NKD1: variants seen among roughly 807,000 people sequenced by gnomAD.
The protein encoded by NKD1 is NKD inhibitor of Wnt signaling pathway 1, also known as protein naked cuticle homolog 1.
NKD1 carries 21 observed loss-of-function variants against 56.0 expected under a neutral mutation model. The observed-to-expected ratio is 0.38, with a 90% CI of 0.27 to 0.54. The LOEUF is 0.54. Ranked by LOEUF, NKD1 falls within the 20% of genes least tolerant of loss-of-function variation. The pLI, the probability that NKD1 is intolerant of heterozygous loss-of-function variation, is 0.82. For missense variants in NKD1, 578 were observed against 642.7 expected, an observed-to-expected ratio of 0.90 and a Z score of 1.09; for synonymous variants, 263 against 265.7, an observed-to-expected ratio of 0.99 and a Z score of 0.10.
rs1272645884 is a variant in NKD1 at position 50,598,558 on chromosome 16, C to T, written c.193-9736C>T. Among the ~76,000 whole-genome samples the T allele has an allele frequency of 2.6e-5, 4 of 152,160 alleles. No homozygotes were observed. The highest frequency in any genetic ancestry group is 2.9e-5 in the Non-Finnish European group (2 of 68,016). ...TGTCATAAGCAGCCTGGCTCAGGGC[C>T]ACCCTGTCGGCAGGTCACACGTGCT... On this transcript the variant is annotated intron_variant, in intron 3 of 9. Transcript: ENST00000268459. The surrounding 1 kb of genome is among the most constrained non-coding windows in gnomAD (Gnocchi z 4.2).
intron 3 of NKD1, among the ~76,000 whole-genome samples, chr16:50,568,017 T>C (rs1351939796): frequency 6.6e-6 from 1 of 152,252 alleles, no homozygotes; most frequent in African/African-American, 2.4e-5. Context: ...CGAGAGCCAG[T>C]TATTTCAGGA....
rs1204993917 is a variant in NKD1, at chr16:50,645,207, G to A, written c.*11426G>A. The A allele has an allele frequency of 6.6e-6, 1 of 152,366 alleles. No individual in the cohort carries two copies. Among genetic ancestry groups the A allele is most frequent in the Non-Finnish European group, 1.5e-5 (1 of 68,168 alleles). The allele number at this position is 152,366 out of a possible 1,614,324, so 9.4% of individuals were successfully genotyped here. A position where few individuals can be genotyped will look rare whatever the true frequency, so the allele number is the denominator to read the frequency against. ...TACCTTTGTGGAGCTTTAATCTAGT[G>A]TGGGGGACGGGGGGACTGCTTCCAC... On this transcript the variant is annotated 3_prime_UTR_variant, in exon 10 of 10. Coordinates refer to ENST00000268459, the MANE Select transcript of NKD1 (RefSeq NM_033119.5).
At chr16:50,561,802 G>C (rs1960640380) in intron 3 of NKD1, among the ~76,000 whole-genome samples, 1 of 152,200 alleles carries the variant, frequency 6.6e-6, no homozygotes, top group African/African-American at 2.4e-5. Flanking sequence ...CTACACAGGG[G>C]CATAAATACT....
rs1282866717 is a variant in NKD1 at position 50,598,288 on chromosome 16, C to T, written c.193-10006C>T. ...GCGCGCACACCTGTGCTCATGGACA[C>T]TCTTGTCCTGTCCGTAAAATGAGGC... On this transcript the variant is annotated intron_variant, in intron 3 of 9. Coordinates refer to ENST00000268459, the MANE Select transcript of NKD1 (RefSeq NM_033119.5). The surrounding 1 kb of genome is among the most constrained non-coding windows in gnomAD (Gnocchi z 4.2). Among the ~76,000 whole-genome samples the T allele has an allele frequency of 2.6e-5, 4 of 151,314 alleles. No homozygotes were observed. Among genetic ancestry groups the T allele is most frequent in the Non-Finnish European group, 5.9e-5 (4 of 67,990 alleles).
At position 50,644,939 on chromosome 16, in the gene NKD1, G is replaced by A. The variant is rs1227943743; in HGVS notation, c.*11158G>A. 6.6e-6 allele frequency: 1 copy of A among 152,246 alleles called. No homozygotes were observed. The highest frequency in any genetic ancestry group is 2.4e-5 in the African/African-American group (1 of 41,468). 9.4% of individuals were successfully genotyped at this position (152,246 alleles called of 1,614,324 possible). A position where few individuals can be genotyped will look rare whatever the true frequency, so the allele number is the denominator to read the frequency against. ...GTTAGACTGCAGGCCAGTCTCTGTG[G>A]TGTGACCACCCCCCAGTGGCAAGGA... is the stretch of plus-strand genomic sequence containing the variant. On this transcript the variant is annotated 3_prime_UTR_variant, in exon 10 of 10. Transcript: ENST00000268459.
chr16:50,563,273 G>A (rs1020260303), intron 3 of NKD1, among the ~76,000 whole-genome samples: 7 of 152,058 alleles, frequency 4.6e-5, no homozygotes, highest in Non-Finnish European at 1.0e-4. Flanking sequence ...CTGTGTGTCA[G>A]GCTAAACTCC....
chr16:50,572,601 G>A (rs553099771), intron 3 of NKD1, among the ~76,000 whole-genome samples: 1 of 152,264 alleles, frequency 6.6e-6, no homozygotes, highest in African/African-American at 2.4e-5. Context: ...CTAACTCAGG[G>A]GAGGCGGCAG....
rs966381784 is a variant in NKD1, at chr16:50,632,601, C to T, written c.823+193C>T. 3.3e-5 allele frequency among the ~76,000 whole-genome samples: 5 copies of T among 152,184 alleles called. No individual in the cohort carries two copies. The highest frequency in any genetic ancestry group is 4.8e-5 in the African/African-American group (2 of 41,450). ...AATTAAAGTAATACATGCACGAAAT[C>T]GAACAAAATCCAATAGTATCTAAAG... is the stretch of plus-strand genomic sequence containing the variant. On this transcript the variant is annotated intron_variant, in intron 9 of 9. Coordinates refer to ENST00000268459, the MANE Select transcript of NKD1 (RefSeq NM_033119.5). The surrounding 1 kb of genome is among the most constrained non-coding windows in gnomAD (Gnocchi z 4.1).
At chr16:50,559,817 T>A (rs1960584325) in intron 3 of NKD1, among the ~76,000 whole-genome samples, 1 of 152,198 alleles carries the variant, frequency 6.6e-6, no homozygotes, top group East Asian at 1.9e-4. Context: ...AGCATAGAGC[T>A]GGGGTCCTGA....
Position 50,633,135 on chromosome 16 carries a change from G to A in NKD1, c.824-57G>A, listed in dbSNP as rs1039127976. The A allele has an allele frequency of 2.7e-6, 4 of 1,501,388 alleles. No individual in the cohort carries two copies. Among genetic ancestry groups the A allele is most frequent in the African/African-American group, 1.4e-5 (1 of 71,962 alleles). 93.0% of individuals were successfully genotyped at this position (1,501,388 alleles called of 1,614,324 possible). ...GGGCGGGGGTGATGTCTGGGGTATA[G>A]CGCAAGCCCCAGCACACAGTAGGTG... On this transcript the variant is annotated intron_variant, in intron 9 of 9. Transcript: ENST00000268459. The surrounding 1 kb of genome is among the most constrained non-coding windows in gnomAD (Gnocchi z 4.9).
chr16:50,566,093 A>G, intron 3 of NKD1: 1 of 940,422 alleles, frequency 1.1e-6, no homozygotes, highest in Non-Finnish European at 1.3e-6. Context: ...TGGTGTCTAC[A>G]AAATCGAGGA....
rs1362337781 is a variant in NKD1, at chr16:50,634,687, A to AT, written c.*909dup. On this transcript the variant is annotated 3_prime_UTR_variant, in exon 10 of 10. Coordinates refer to ENST00000268459, the MANE Select transcript of NKD1 (RefSeq NM_033119.5). Reference sequence around the variant, plus strand: ...ATCTATAGATAGATGCCATCTGTCCATTTCTATGTATCTTTCTATAAATAT... The same window carrying AT: ...ATCTATAGATAGATGCCATCTGTCCATTTTCTATGTATCTTTCTATAAATAT... 6.6e-6 allele frequency: 1 copy of AT among 152,296 alleles called. No individual in the cohort carries two copies. Among genetic ancestry groups the AT allele is most frequent in the African/African-American group, 2.4e-5 (1 of 41,430 alleles). 9.4% of individuals were successfully genotyped at this position (152,296 alleles called of 1,614,324 possible).
At chr16:50,571,353 C>A in intron 3 of NKD1, 1 of 317,416 alleles carries the variant, frequency 3.2e-6, no homozygotes, top group Non-Finnish European at 4.6e-6. Context: ...GGACGAGCAG[C>A]TGGCCGCACA....
chr16:50,593,392 T>C (rs1253427453), intron 3 of NKD1, among the ~76,000 whole-genome samples: 1 of 152,188 alleles, frequency 6.6e-6, no homozygotes, highest in Non-Finnish European at 1.5e-5. Context: ...TTGCATCCCC[T>C]CGTGGCTCTG....
chr16:50,566,919 T>C (rs1196034507), intron 3 of NKD1, among the ~76,000 whole-genome samples: 1 of 152,182 alleles, frequency 6.6e-6, no homozygotes, highest in Non-Finnish European at 1.5e-5. Flanking sequence ...TGTGTCTCTC[T>C]CCTTAGATAA....
At chr16:50,626,272 C>T (rs1450776039) in intron 6 of NKD1, among the ~76,000 whole-genome samples, 1 of 152,226 alleles carries the variant, frequency 6.6e-6, no homozygotes, top group African/African-American at 2.4e-5. Flanking sequence ...CATGAGGACA[C>T]AGCAGGGAAC....
At chr16:50,613,375 G>A (rs545661966) in intron 4 of NKD1, among the ~76,000 whole-genome samples, 5 of 152,092 alleles carry the variant, frequency 3.3e-5, no homozygotes, top group African/African-American at 4.8e-5. Flanking sequence ...CAGGGCTGGC[G>A]GTGGCTTCCC....
intron 4 of NKD1, among the ~76,000 whole-genome samples, chr16:50,614,390 G>A (rs1432703491): frequency 3.9e-5 from 6 of 151,906 alleles, no homozygotes; most frequent in African/African-American, 9.7e-5. Flanking sequence ...ACACACACAC[G>A]TATACTCACA....
intron 3 of NKD1, chr16:50,566,146 A>G (rs1027033795): frequency 6.8e-5 from 67 of 985,006 alleles, no homozygotes; most frequent in Non-Finnish European, 7.6e-5. Flanking sequence ...GTAGGTGTGA[A>G]CTTTCTCTGT....
Sources: allele counts gnomAD v4.1 joint callset (sites outside exome capture counted in the v4.1 genomes callset), GRCh38; gene constraint gnomAD v4.1.1; non-coding constraint Gnocchi (gnomAD v3.1); transcripts MANE v1.5; gene names NCBI Gene and HGNC (gene_info 2026-07-23, HGNC 2026-07-21).